Variants in PELI2 observed in about 807,000 individuals in gnomAD.
PELI2 encodes E3 ubiquitin-protein ligase pellino homolog 2.
A neutral mutation model predicts 42.3 loss-of-function variants in PELI2; 23 were observed. That is an observed-to-expected ratio of 0.54 (90% CI 0.39 to 0.77). PELI2 has a LOEUF of 0.77. PELI2 is among the 30% of genes least tolerant of loss of function. The pLI is 0.00. For missense variants in PELI2, 463 were observed against 553.2 expected (o/e 0.84, Z 1.64); for synonymous variants, 245 against 212.2 (o/e 1.15, Z -1.34).
intron 1 of PELI2, among the ~76,000 whole-genome samples, chr14:56,125,727 GC>G (rs1883232474): frequency 6.6e-6 from 1 of 152,124 alleles, no homozygotes. Flanking sequence ...ACGTGGTTCT[GC>G]CCTCTGTGCT....
At chr14:56,224,290 C>T (rs1887261338) in intron 2 of PELI2, among the ~76,000 whole-genome samples, 1 of 152,206 alleles carries the variant, frequency 6.6e-6, no homozygotes, top group Admixed American at 6.5e-5. Flanking sequence ...GTGATTTAGA[C>T]TCAGGGAAAA....
chr14:56,200,171 G>T (rs1042830024), intron 2 of PELI2, among the ~76,000 whole-genome samples: 9 of 152,246 alleles, frequency 5.9e-5, no homozygotes, highest in African/African-American at 2.2e-4. Flanking sequence ...GTAACAGAAG[G>T]TATTTCTTCT....
At chr14:56,198,145 T>C (rs180739839) in intron 2 of PELI2, among the ~76,000 whole-genome samples, 98 of 152,240 alleles carry the variant, frequency 6.4e-4, no homozygotes, top group African/African-American at 2.3e-3. Context: ...AATTAATTGA[T>C]TGTAATGTAT....
Position 56,279,719 on chromosome 14 carries a change from C to A in PELI2, c.251C>A (p.Ser84Ter). 1 of 1,604,038 alleles carries A rather than the reference C, an allele frequency of 6.2e-7. No homozygotes were observed. Among genetic ancestry groups the A allele is most frequent in the Non-Finnish European group, 8.5e-7 (1 of 1,171,346 alleles). ...CAACACAGTATATCCTACACTTTGTCAAGGAATCAGACTGTGGTGGTGGAG... is the reference window on the plus strand; with the variant it reads ...CAACACAGTATATCCTACACTTTGTAAAGGAATCAGACTGTGGTGGTGGAG... ...KGQHSISYTL[S>*]RNQTVVVEYT... Residue 84 changes from serine (S) to a stop codon, truncating the protein, a stop_gained, in exon 3 of 6, where the codon TCA (serine) becomes TAA (stop). Transcript: ENST00000267460. LOFTEE classifies it high-confidence loss of function.
rs145707837 is a variant in PELI2, at chr14:56,246,392, T to C, written c.208-33284T>C. Among the ~76,000 whole-genome samples the C allele has an allele frequency of 7.0e-3, 1,059 of 152,354 alleles. 19 individuals are homozygous for C. The highest frequency in any genetic ancestry group is 0.025 in the African/African-American group (1,025 of 41,570). On this transcript the variant is annotated intron_variant, in intron 2 of 5. Transcript: ENST00000267460. Reference sequence around the variant, plus strand: ...CAGAAAAAGTCAACATTTTCTCTAATGTTAATAACTACTTAAGCTGCTAAT... The same window carrying C: ...CAGAAAAAGTCAACATTTTCTCTAACGTTAATAACTACTTAAGCTGCTAAT...
chr14:56,290,648 A>C (rs1889799740), intron 5 of PELI2, among the ~76,000 whole-genome samples, 192 bp downstream of exon 5: 1 of 152,166 alleles, frequency 6.6e-6, no homozygotes, highest in African/African-American at 2.4e-5. Flanking sequence ...TCAGGGGTTC[A>C]ACTTTTCCCA....
chr14:56,294,745 C>T (rs1051192888), intron 5 of PELI2, among the ~76,000 whole-genome samples: 4 of 152,332 alleles, frequency 2.6e-5, no homozygotes, highest in East Asian at 1.9e-4. Flanking sequence ...CTGCATCACA[C>T]GTGCCTTGTA....
At position 56,162,223 on chromosome 14, in the gene PELI2, A is replaced by G. The variant is rs552670543; in HGVS notation, c.78-16112A>G. On this transcript the variant is annotated intron_variant, in intron 1 of 5. Coordinates refer to ENST00000267460, the MANE Select transcript of PELI2 (RefSeq NM_021255.3). ...AATAGTAGGTCTTACTCATTTTTCT[A>G]TTTTTTTTTTTAAATACCCGTTAAC... 5.4e-5 allele frequency among the ~76,000 whole-genome samples: 8 copies of G among 147,270 alleles called. No individual in the cohort carries two copies. The East Asian group carries it at 5.9e-4, about 11-fold the overall frequency.
At chr14:56,232,348 C>T (rs1446080230) in intron 2 of PELI2, among the ~76,000 whole-genome samples, 1 of 152,048 alleles carries the variant, frequency 6.6e-6, no homozygotes, top group Non-Finnish European at 1.5e-5. Context: ...AACATTGATG[C>T]AAAAATCCTC....
intron 2 of PELI2, among the ~76,000 whole-genome samples, chr14:56,187,590 C>T (rs1295563027): frequency 1.3e-5 from 2 of 152,146 alleles, no homozygotes; most frequent in Non-Finnish European, 2.9e-5. Flanking sequence ...TGGTTGTGGC[C>T]TGTTTTGTTA....
intron 2 of PELI2, among the ~76,000 whole-genome samples, chr14:56,264,319 C>T (rs1259782650): frequency 6.6e-6 from 1 of 152,166 alleles, no homozygotes; most frequent in Non-Finnish European, 1.5e-5. Context: ...GGTGCAAGAA[C>T]ACTGATGTAC....
intron 2 of PELI2, among the ~76,000 whole-genome samples, chr14:56,211,410 C>G (rs1370575862): frequency 1.3e-5 from 2 of 152,204 alleles, no homozygotes; most frequent in Non-Finnish European, 2.9e-5. Context: ...CCCCTCTACT[C>G]CCACTCCCCT....
intron 2 of PELI2, among the ~76,000 whole-genome samples, chr14:56,255,061 T>A (rs962698133): frequency 6.6e-6 from 1 of 152,186 alleles, no homozygotes; most frequent in Non-Finnish European, 1.5e-5. Flanking sequence ...GTTCAATCAT[T>A]GTGAAAGACA....
intron 1 of PELI2, among the ~76,000 whole-genome samples, chr14:56,125,009 G>A (rs1364249733): frequency 3.3e-5 from 5 of 152,164 alleles, no homozygotes; most frequent in Non-Finnish European, 7.4e-5. Flanking sequence ...GCTAGTATGA[G>A]ATGGGAGTGA....
rs973386062 is a variant in PELI2 at position 56,231,873 on chromosome 14, A to G, written c.208-47803A>G. Among the ~76,000 whole-genome samples the G allele has an allele frequency of 1.2e-3, 186 of 152,296 alleles. 2 individuals are homozygous for G. The highest frequency in any genetic ancestry group is 4.2e-3 in the African/African-American group (175 of 41,570). ...TGATAGACTGCTAGCAAGACTAATA[A>G]AGAAGAAAAGAGAGAAGAATCAAAT... is the stretch of plus-strand genomic sequence containing the variant. On this transcript the variant is annotated intron_variant, in intron 2 of 5. Transcript: ENST00000267460.
In PELI2 at chr14:56,296,935, T is replaced by C. The variant is rs1473445816; in HGVS notation, c.1032T>C (p.Tyr344=). The C allele has an allele frequency of 6.2e-7, 1 of 1,614,022 alleles. No individual in the cohort carries two copies. Among genetic ancestry groups the C allele is most frequent in the Non-Finnish European group, 8.5e-7 (1 of 1,180,014 alleles). ...CCATGTGCAGGACTGTGGGCCCCTA[T>C]GTGCCTCTCTGGCTTGGCTGTGAGG... The part of the protein sequence containing the change: ...ECPMCRTVGP[Y]VPLWLGCEAG... Residue 344 remains tyrosine, a synonymous_variant, in exon 6 of 6, where the codon TAT becomes TAC. Coordinates refer to ENST00000267460, the MANE Select transcript of PELI2 (RefSeq NM_021255.3).
intron 3 of PELI2, among the ~76,000 whole-genome samples, chr14:56,284,890 A>C (rs556660376): frequency 1.3e-5 from 2 of 152,340 alleles, no homozygotes; most frequent in African/African-American, 4.8e-5. Context: ...TGGGCAGAGG[A>C]AACAGTGAGC....
At chr14:56,196,860 C>A (rs1481997684) in intron 2 of PELI2, among the ~76,000 whole-genome samples, 2 of 152,072 alleles carry the variant, frequency 1.3e-5, no homozygotes, top group Non-Finnish European at 2.9e-5. Context: ...TAACTTTGTT[C>A]ATGGTGTCTC....
intron 1 of PELI2, among the ~76,000 whole-genome samples, chr14:56,161,999 G>A (rs894097096): frequency 6.6e-6 from 1 of 151,976 alleles, no homozygotes; most frequent in African/African-American, 2.4e-5. Context: ...ATTTTGGTGG[G>A]TGCACAGTAG....
Sources: allele counts gnomAD v4.1 joint callset (sites outside exome capture counted in the v4.1 genomes callset), GRCh38; gene constraint gnomAD v4.1.1; transcripts MANE v1.5; gene names NCBI Gene and HGNC (gene_info 2026-07-23, HGNC 2026-07-21).